MINK1: variants seen among roughly 807,000 people sequenced by gnomAD.
MINK1 encodes misshapen-like kinase 1.
In MINK1, 46 loss-of-function variants were observed where a neutral mutation model predicts 178.4. The ratio of observed to expected loss-of-function variants is 0.26; its 90% CI spans 0.20 to 0.33. The LOEUF (loss-of-function observed/expected upper bound fraction) is 0.33, where lower values mean the gene tolerates loss of function less well. Ranked by LOEUF, MINK1 falls within the 10% of genes least tolerant of loss-of-function variation. The pLI is 1.00. For synonymous variants in MINK1, 797 were observed against 709.7 expected, an observed-to-expected ratio of 1.12 and a Z score of -1.96; for missense variants, 1,366 against 1,814.9, an observed-to-expected ratio of 0.75 and a Z score of 4.49.
intron 1 of MINK1, among the ~76,000 whole-genome samples, chr17:4,867,074 AAATAATAAT>A (rs56934978): frequency 1.5e-4 from 18 of 119,964 alleles, no homozygotes; most frequent in South Asian, 5.6e-4. Context: ...ACTCGTCTCA[AAATAATAAT>A]AATAATAATA....
Position 4,886,727 on chromosome 17 carries a change from C to A in MINK1, c.949+101C>A. ...CCTGGCACCCCTTCCTGCTCCCCTCCTTGGCCCCAGCTCTCCCTGTCCAAG... is the reference window on the plus strand; with the variant it reads ...CCTGGCACCCCTTCCTGCTCCCCTCATTGGCCCCAGCTCTCCCTGTCCAAG... On this transcript the variant is annotated intron_variant, in intron 10 of 31. Coordinates refer to ENST00000355280, the MANE Select transcript of MINK1 (RefSeq NM_153827.5). This position sits in a 1 kb window ranked among gnomAD's most constrained non-coding sequence, Gnocchi z 6.1. 1 of 1,299,054 alleles carries A rather than the reference C, an allele frequency of 7.7e-7. No homozygotes were observed. Among genetic ancestry groups the A allele is most frequent in the Non-Finnish European group, 1.0e-6 (1 of 972,786 alleles). 80.5% of individuals were successfully genotyped at this position (1,299,054 alleles called of 1,614,324 possible). A position where few individuals can be genotyped will look rare whatever the true frequency, so the allele number is the denominator to read the frequency against.
chr17:4,857,998 C>T (rs1387624149), intron 1 of MINK1, among the ~76,000 whole-genome samples: 1 of 152,186 alleles, frequency 6.6e-6, no homozygotes, highest in Non-Finnish European at 1.5e-5. Context: ...GCCCTTATCC[C>T]TTCCCCTGTG....
At chr17:4,897,001 G>T in intron 31 of MINK1, 188 bp downstream of exon 31, 1 of 956,852 alleles carries the variant, frequency 1.0e-6, no homozygotes, top group South Asian at 1.8e-5. Context: ...TTCCCAGCTG[G>T]CCCCCAGGGG....
At chr17:4,891,365 A>C (rs1364619180) in intron 15 of MINK1, 91 bp from the exon 16 acceptor site, 12 of 1,453,766 alleles carry the variant, frequency 8.3e-6, no homozygotes, top group Non-Finnish European at 1.0e-5. Flanking sequence ...AGGAAGGGGC[A>C]GCTAAAGTCC....
intron 4 of MINK1, among the ~76,000 whole-genome samples, chr17:4,882,072 T>C (rs550815490): frequency 6.6e-6 from 1 of 152,360 alleles, no homozygotes; most frequent in Admixed American, 6.5e-5. Context: ...CACACACTCA[T>C]GCACACAAAG....
intron 4 of MINK1, among the ~76,000 whole-genome samples, chr17:4,883,734 T>G (rs1177375356): frequency 3.3e-5 from 5 of 150,040 alleles, no homozygotes; most frequent in Non-Finnish European, 7.4e-5. Flanking sequence ...GAGACAGGGT[T>G]TCACCGTGTT....
At chr17:4,869,245 ATTATTTATTTATTTAT>A (rs147101749) in intron 1 of MINK1, among the ~76,000 whole-genome samples, 63 of 141,550 alleles carry the variant, frequency 4.5e-4, no homozygotes, top group African/African-American at 1.2e-3. Context: ...TTTTTAAATT[ATTATTTATTTATTTAT>A]TTATTTATTT....
intron 20 of MINK1, 89 bp downstream of exon 20, chr17:4,893,156 T>C: frequency 6.6e-7 from 1 of 1,510,356 alleles, no homozygotes. Context: ...GGGTCTCCGC[T>C]GATCTACCGA....
intron 1 of MINK1, among the ~76,000 whole-genome samples, chr17:4,872,360 C>T (rs1915956995): frequency 6.6e-6 from 1 of 150,604 alleles, no homozygotes; most frequent in Non-Finnish European, 1.5e-5. Flanking sequence ...TGGACAGAGT[C>T]AGGCATGGTG....
chr17:4,878,662 ATAC>A (rs1967419132), intron 2 of MINK1, among the ~76,000 whole-genome samples: 1 of 152,214 alleles, frequency 6.6e-6, no homozygotes, highest in African/African-American at 2.4e-5. Flanking sequence ...GTGGAAGGGC[ATAC>A]GGCCTTGTGT....
At chr17:4,892,946 G>A (rs1969008542) in intron 19 of MINK1, 33 bp from the exon 20 acceptor site, 1 of 1,515,750 alleles carries the variant, frequency 6.6e-7, no homozygotes, top group Non-Finnish European at 9.0e-7. Flanking sequence ...CCTTGTTCAG[G>A]CATCAGTGAC....
At chr17:4,859,704 C>T (rs1913806247) in intron 1 of MINK1, among the ~76,000 whole-genome samples, 1 of 137,152 alleles carries the variant, frequency 7.3e-6, no homozygotes. Flanking sequence ...AGGAGAATCG[C>T]TTGAACTTGG....
intron 1 of MINK1, among the ~76,000 whole-genome samples, chr17:4,867,587 G>A (rs1915227469): frequency 6.6e-6 from 1 of 152,074 alleles, no homozygotes; most frequent in East Asian, 1.9e-4. Flanking sequence ...ATCACCTGAG[G>A]TTAGGAGTTT....
chr17:4,858,557 A>G (rs1597430456), intron 1 of MINK1, among the ~76,000 whole-genome samples: 1 of 149,266 alleles, frequency 6.7e-6, no homozygotes, highest in Non-Finnish European at 1.5e-5. Context: ...GCTCACTGCA[A>G]CCTCCGCCTC....
chr17:4,896,929 T>G lies in MINK1; in HGVS notation c.3915+116T>G. 3.7e-6 allele frequency: 5 copies of G among 1,364,146 alleles called. No individual in the cohort carries two copies. Among genetic ancestry groups the G allele is most frequent in the Non-Finnish European group, 4.9e-6 (5 of 1,022,768 alleles). 84.5% of individuals were successfully genotyped at this position (1,364,146 alleles called of 1,614,324 possible). Reference sequence around the variant, plus strand: ...GTGGCTTCCTGAAAGCGGGCCCCTCTGGGAGCTCAGAGGGCAGTCAGCCAC... The same window carrying G: ...GTGGCTTCCTGAAAGCGGGCCCCTCGGGGAGCTCAGAGGGCAGTCAGCCAC... On this transcript the variant is annotated intron_variant, in intron 31 of 31. Transcript: ENST00000355280. The surrounding 1 kb of genome is among the most constrained non-coding windows in gnomAD (Gnocchi z 4.6).
chr17:4,864,198 G>A (rs964662591), intron 1 of MINK1, among the ~76,000 whole-genome samples: 16 of 150,212 alleles, frequency 1.1e-4, no homozygotes, highest in African/African-American at 3.4e-4. Flanking sequence ...TCGGGTGTTC[G>A]AGACCAGCCT....
chr17:4,891,960 CTT>C (rs1479046256), intron 16 of MINK1, among the ~76,000 whole-genome samples, 187 bp from the exon 17 acceptor site: 1 of 152,128 alleles, frequency 6.6e-6, no homozygotes, highest in Admixed American at 6.5e-5. Flanking sequence ...AAGGGGCAGA[CTT>C]TGCCAGTTAG....
chr17:4,891,692 C>T lies in MINK1; in HGVS notation c.1977C>T (p.Arg659=), dbSNP rs1466175050. The change falls in exon 16 of 32, where the codon CGC becomes CGT. Residue 659 remains arginine, a synonymous_variant. Transcript: ENST00000355280. ...GCCCGAATCCCCCAGCCTGGGTCCG[C>T]CCAGATAACGAGGCCCCACCCAAGG... ...GPSPNPPAWV[R]PDNEAPPKVP... 2 of 1,602,940 alleles carry T rather than the reference C, an allele frequency of 1.2e-6. No individual in the cohort carries two copies. The highest frequency in any genetic ancestry group is 1.7e-5 in the Admixed American group (1 of 57,990).
chr17:4,860,426 A>G (rs932855609), intron 1 of MINK1, among the ~76,000 whole-genome samples: 1 of 152,072 alleles, frequency 6.6e-6, no homozygotes, highest in African/African-American at 2.4e-5. Context: ...CAGCCTCCCA[A>G]CCGGACAGCG....
Sources: allele counts gnomAD v4.1 joint callset (sites outside exome capture counted in the v4.1 genomes callset), GRCh38; gene constraint gnomAD v4.1.1; non-coding constraint Gnocchi (gnomAD v3.1); transcripts MANE v1.5; gene names NCBI Gene and HGNC (gene_info 2026-07-23, HGNC 2026-07-21).